NRG1: variants seen among roughly 807,000 people sequenced by gnomAD.
NRG1 encodes pro-neuregulin-1, membrane-bound isoform.
Under a neutral mutation model 63.8 loss-of-function variants are expected in NRG1, and 18 were observed. The observed-to-expected ratio is 0.28, with a 90% CI of 0.19 to 0.42. The LOEUF is 0.42. Ranked by LOEUF, NRG1 falls within the 10% of genes least tolerant of loss-of-function variation. NRG1 has a pLI of 1.00. For missense variants in NRG1, 762 were observed against 814.7 expected (o/e 0.94, Z 0.79); for synonymous variants, 302 against 301.3 (o/e 1.00, Z -0.02).
chr8:31,959,493 T>A (rs2129625443), intron 1 of NRG1, among the ~76,000 whole-genome samples: 1 of 152,248 alleles, frequency 6.6e-6, no homozygotes, highest in African/African-American at 2.4e-5. Context: ...GTCATCATCA[T>A]GCTGAATGGG....
chr8:32,674,642 C>T (rs528448586), intron 5 of NRG1, among the ~76,000 whole-genome samples: 1 of 152,254 alleles, frequency 6.6e-6, no homozygotes, highest in Non-Finnish European at 1.5e-5. Context: ...GCAAAATATC[C>T]GAACGGAATG....
chr8:32,424,397 A>G (rs1037278280), intron 1 of NRG1, among the ~76,000 whole-genome samples: 5 of 152,142 alleles, frequency 3.3e-5, no homozygotes, highest in South Asian at 2.1e-4. Context: ...AGAAAAGGTA[A>G]TCTTTTTGGG....
intron 1 of NRG1, among the ~76,000 whole-genome samples, chr8:31,673,275 G>GAATCATGAATC (rs1197125483): frequency 6.6e-6 from 1 of 152,080 alleles, no homozygotes; most frequent in East Asian, 1.9e-4. Context: ...ACCTCATTTA[G>GAATCATGAATC]AGAAACACTG....
At chr8:32,413,348 T>A (rs1815380144) in intron 1 of NRG1, among the ~76,000 whole-genome samples, 1 of 152,102 alleles carries the variant, frequency 6.6e-6, no homozygotes, top group African/African-American at 2.4e-5. Context: ...TAGATGAGAG[T>A]AAAAGGCCTG....
At chr8:32,151,049 G>T (rs1837448283) in intron 1 of NRG1, among the ~76,000 whole-genome samples, 3 of 152,162 alleles carry the variant, frequency 2.0e-5, no homozygotes, top group Admixed American at 2.0e-4. Context: ...ATTGTTTCAG[G>T]AAGAAGTGTA....
chr8:32,050,348 A>G (rs1821783621), intron 1 of NRG1, among the ~76,000 whole-genome samples: 1 of 152,102 alleles, frequency 6.6e-6, no homozygotes, highest in Admixed American at 6.6e-5. Context: ...TTATTGTTTT[A>G]TTGTTCCTTG....
intron 1 of NRG1, among the ~76,000 whole-genome samples, chr8:31,987,256 C>T (rs532930827): frequency 8.8e-5 from 13 of 148,286 alleles, no homozygotes; most frequent in South Asian, 4.2e-4. Flanking sequence ...GGTGAGATCA[C>T]GCCACTGCAC....
chr8:32,696,656 C>CTTTT (rs143232293), intron 5 of NRG1, among the ~76,000 whole-genome samples: 3 of 86,596 alleles, frequency 3.5e-5, no homozygotes, highest in East Asian at 5.4e-4. Context: ...TATAATCTAT[C>CTTTT]TTTTTTTTTT....
chr8:32,081,504 C>A (rs1231988284), intron 1 of NRG1, among the ~76,000 whole-genome samples: 1 of 152,026 alleles, frequency 6.6e-6, no homozygotes, highest in Non-Finnish European at 1.5e-5. Flanking sequence ...GTCCACGTAG[C>A]CCCAGAACAA....
At chr8:32,716,824 GT>G (rs1564015838) in intron 5 of NRG1, among the ~76,000 whole-genome samples, 2 of 11,658 alleles carry the variant, frequency 1.7e-4, no homozygotes, top group Non-Finnish European at 5.8e-4. Flanking sequence ...GCATGTGCGT[GT>G]GTGTGTGTGT....
At chr8:32,167,704 C>T (rs536806537) in intron 1 of NRG1, among the ~76,000 whole-genome samples, 1 of 152,310 alleles carries the variant, frequency 6.6e-6, no homozygotes, top group South Asian at 2.1e-4. Flanking sequence ...CAGCCCTCAA[C>T]AGCAGATCTT....
intron 1 of NRG1, among the ~76,000 whole-genome samples, chr8:32,195,642 TA>T (rs531562077): frequency 6.6e-6 from 1 of 151,844 alleles, no homozygotes; most frequent in East Asian, 1.9e-4. Context: ...AATGAAAGAA[TA>T]AAAAAGCATG....
At chr8:31,737,449 C>G (rs1314487026) in intron 1 of NRG1, among the ~76,000 whole-genome samples, 1 of 152,134 alleles carries the variant, frequency 6.6e-6, no homozygotes, top group Non-Finnish European at 1.5e-5. Context: ...AGACTGAGAG[C>G]TGGGCCTGAC....
intron 1 of NRG1, among the ~76,000 whole-genome samples, chr8:32,186,576 G>A (rs1841995450): frequency 6.6e-6 from 1 of 152,142 alleles, no homozygotes; most frequent in Admixed American, 6.5e-5. Flanking sequence ...CTTCTCTGCT[G>A]CTGGTGGCAC....
intron 1 of NRG1, among the ~76,000 whole-genome samples, chr8:31,731,184 A>T (rs1339534242): frequency 6.6e-6 from 1 of 152,130 alleles, no homozygotes; most frequent in Non-Finnish European, 1.5e-5. Context: ...ACTCACACCT[A>T]AAAATATACC....
rs73239825 is a variant in NRG1, at chr8:31,699,009, A to G, written c.37+59578A>G. ...GGAAAAATCAGTCTTCTCATTGGTT[A>G]GGACCCACTGACTTCCGTCATTGTA... is the stretch of plus-strand genomic sequence containing the variant. On this transcript the variant is annotated intron_variant, in intron 1 of 10. Transcript: ENST00000519301. Among the ~76,000 whole-genome samples the G allele has an allele frequency of 5.0e-3, 756 of 152,354 alleles. 1 individual carries two copies. The highest frequency in any genetic ancestry group is 6.6e-3 in the Non-Finnish European group (451 of 68,036).
At chr8:32,770,541 C>G (rs1457897161), downstream of NRG1, among the ~76,000 whole-genome samples, 1 of 152,140 alleles carries the variant, frequency 6.6e-6, no homozygotes, top group Non-Finnish European at 1.5e-5. Flanking sequence ...AGAATGTGAG[C>G]CCTTCTAGCT....
chr8:31,928,760 A>G (rs919237550), intron 1 of NRG1, among the ~76,000 whole-genome samples: 9 of 152,226 alleles, frequency 5.9e-5, no homozygotes, highest in Non-Finnish European at 1.2e-4. Flanking sequence ...TTCTAAATAA[A>G]GTATTTCAGG....
At chr8:32,328,692 CAGTGTTCTT>C (rs1460143809) in intron 1 of NRG1, among the ~76,000 whole-genome samples, 1 of 152,068 alleles carries the variant, frequency 6.6e-6, no homozygotes. Flanking sequence ...AACTTGCCTT[CAGTGTTCTT>C]AGAGAGTGGG....
Sources: allele counts gnomAD v4.1 joint callset (sites outside exome capture counted in the v4.1 genomes callset), GRCh38; gene constraint gnomAD v4.1.1; transcripts MANE v1.5; gene names NCBI Gene and HGNC (gene_info 2026-07-23, HGNC 2026-07-21).